LRRC7: variants seen among roughly 807,000 people sequenced by gnomAD.
LRRC7 encodes leucine-rich repeat-containing protein 7.
LRRC7 carries 23 observed loss-of-function variants against 175.7 expected under a neutral mutation model. That is an observed-to-expected ratio of 0.13 (90% CI 0.09 to 0.19). The LOEUF (loss-of-function observed/expected upper bound fraction) is 0.19, where lower values mean the gene tolerates loss of function less well. LRRC7 is among the 10% of genes least tolerant of loss of function. The pLI, the probability that LRRC7 is intolerant of heterozygous loss-of-function variation, is 1.00. For synonymous variants in LRRC7, 685 were observed against 680.9 expected (o/e 1.01, Z -0.09); for missense variants, 1,354 against 1,904.7 (o/e 0.71, Z 5.38).
At chr1:69,883,908 A>G (rs2101620797) in intron 7 of LRRC7, among the ~76,000 whole-genome samples, 1 of 87,296 alleles carries the variant, frequency 1.1e-5, no homozygotes, top group East Asian at 4.5e-4. Flanking sequence ...CAGGTTTGTC[A>G]AAGATCAGAT....
rs776188954 is a variant in LRRC7, at chr1:69,760,228, C to T, written c.138C>T (p.Ile46=). 2 of 1,612,732 alleles carry T rather than the reference C, an allele frequency of 1.2e-6. No homozygotes were observed. The highest frequency in any genetic ancestry group is 1.1e-5 in the South Asian group (1 of 91,052). Residue 46 remains isoleucine, a synonymous_variant, in exon 3 of 27, where the codon ATC becomes ATT. Coordinates refer to ENST00000651989, the MANE Select transcript of LRRC7 (RefSeq NM_001370785.2). ...AGATGACCACCAAACGGAAAATCAT[C>T]GGCCGTCTGGTGCCATGCCGATGTT... ...CLEMTTKRKI[I]GRLVPCRCFR...
chr1:69,601,704 C>G (rs937009300), intron 1 of LRRC7, among the ~76,000 whole-genome samples: 12 of 152,106 alleles, frequency 7.9e-5, no homozygotes, highest in African/African-American at 2.9e-4. Flanking sequence ...AAAACTTTTT[C>G]CAGGTCAACA....
At chr1:70,072,578 A>ACTGCTGCTG (rs6143270) in intron 23 of LRRC7, among the ~76,000 whole-genome samples, 15 of 150,724 alleles carry the variant, frequency 1.0e-4, no homozygotes, top group Admixed American at 1.3e-4. Context: ...GAGACAAAAA[A>ACTGCTGCTG]CTGCTGCTGC....
At chr1:69,648,972 G>T (rs1288950928) in intron 1 of LRRC7, among the ~76,000 whole-genome samples, 1 of 152,188 alleles carries the variant, frequency 6.6e-6, no homozygotes, top group African/African-American at 2.4e-5. Flanking sequence ...AAAATGTTGA[G>T]AAAATATTCT....
intron 7 of LRRC7, among the ~76,000 whole-genome samples, chr1:69,904,526 A>T (rs1003707944): frequency 1.3e-5 from 2 of 151,898 alleles, no homozygotes; most frequent in African/African-American, 4.8e-5. Flanking sequence ...CATAAAGGAT[A>T]CTCTGAATCC....
intron 1 of LRRC7, among the ~76,000 whole-genome samples, chr1:69,660,346 G>A: frequency 6.6e-6 from 1 of 152,016 alleles, no homozygotes. Flanking sequence ...CTATCATATT[G>A]GGGGCAGTGT....
intron 5 of LRRC7, among the ~76,000 whole-genome samples, chr1:69,829,169 A>T (rs757156651): frequency 1.8e-4 from 27 of 151,986 alleles, no homozygotes; most frequent in Non-Finnish European, 3.4e-4. Context: ...TAGTATTATC[A>T]TCTTACAAAT....
intron 7 of LRRC7, among the ~76,000 whole-genome samples, chr1:69,909,067 GT>G (rs1646427043): frequency 6.6e-6 from 1 of 151,592 alleles, no homozygotes; most frequent in Non-Finnish European, 1.5e-5. Context: ...TTTAAAGTCT[GT>G]TTTATCAGAG....
At chr1:69,722,135 A>G (rs1022493593) in intron 2 of LRRC7, among the ~76,000 whole-genome samples, 3 of 118,786 alleles carry the variant, frequency 2.5e-5, no homozygotes, top group Non-Finnish European at 5.5e-5. Context: ...AAGCCTATGT[A>G]CACATATATA....
At chr1:69,940,691 C>A (rs1174733094) in intron 8 of LRRC7, among the ~76,000 whole-genome samples, 1 of 151,754 alleles carries the variant, frequency 6.6e-6, no homozygotes, top group East Asian at 1.9e-4. Flanking sequence ...AGGAGTAAAC[C>A]CTATATATGA....
intron 7 of LRRC7, among the ~76,000 whole-genome samples, chr1:69,882,609 TC>T (rs1368581244): frequency 7.9e-5 from 12 of 151,284 alleles, no homozygotes; most frequent in Non-Finnish European, 1.2e-4. Flanking sequence ...AGGACATTTT[TC>T]TTTTTTTTTT....
chr1:69,571,699 C>T (rs1645745058), intron 1 of LRRC7, among the ~76,000 whole-genome samples: 1 of 152,008 alleles, frequency 6.6e-6, no homozygotes, highest in South Asian at 2.1e-4. Flanking sequence ...CTTAGAGATA[C>T]TAAAATTTTA....
At chr1:69,579,232 T>C (rs568118310) in intron 1 of LRRC7, among the ~76,000 whole-genome samples, 11 of 152,280 alleles carry the variant, frequency 7.2e-5, no homozygotes, top group African/African-American at 2.6e-4. Flanking sequence ...GGTTTTGTAT[T>C]CTCTTTTTCT....
intron 1 of LRRC7, among the ~76,000 whole-genome samples, chr1:69,589,115 GGTGTGTGTGTGTGTGTGT>G (rs55678803): frequency 1.2e-3 from 174 of 142,458 alleles, no homozygotes; most frequent in African/African-American, 4.2e-3. Flanking sequence ...TCATAAAAAG[GGTGTGTGTGTGTGTGTGT>G]GTGTGTGTGT....
Position 69,931,869 on chromosome 1 carries a change from A to G in LRRC7, c.711+299A>G, listed in dbSNP as rs369594014. On this transcript the variant is annotated intron_variant, in intron 8 of 26. Transcript: ENST00000651989. ...TGCCATTTTAACCTAATGGAAATGA[A>G]CTTAAAATGGTCACTGTCATACATA... is the stretch of plus-strand genomic sequence containing the variant. Among the ~76,000 whole-genome samples the G allele has an allele frequency of 3.9e-5, 6 of 152,188 alleles. No homozygotes were observed. In the South Asian group the frequency reaches 1.0e-3, roughly 26 times the overall value.
At chr1:70,021,192 T>C (rs539238741) in intron 16 of LRRC7, 63 bp downstream of exon 16, 26 of 1,530,718 alleles carry the variant, frequency 1.7e-5, no homozygotes, top group Middle Eastern at 3.5e-4. Context: ...CCGTTTTTCT[T>C]ATTCAGATAG....
chr1:69,953,971 C>CT (rs1250200860), intron 8 of LRRC7, among the ~76,000 whole-genome samples: 14 of 152,098 alleles, frequency 9.2e-5, no homozygotes, highest in African/African-American at 2.7e-4. Context: ...TAAATGCTTA[C>CT]TTTTTTCTCT....
At chr1:69,973,136 A>C (rs1306754848) in intron 8 of LRRC7, among the ~76,000 whole-genome samples, 2 of 150,858 alleles carry the variant, frequency 1.3e-5, no homozygotes, top group Non-Finnish European at 3.0e-5. Context: ...CATTCACAGC[A>C]ACCTGGATGA....
intron 1 of LRRC7, among the ~76,000 whole-genome samples, chr1:69,584,181 C>T (rs774268857): frequency 2.6e-5 from 4 of 152,012 alleles, no homozygotes; most frequent in South Asian, 2.1e-4. Context: ...AAAATAGTTT[C>T]GGAGGCAAAG....
Sources: gnomAD v4.1 joint callset for allele counts (sites outside exome capture counted in the v4.1 genomes callset) on GRCh38, gnomAD v4.1.1 for gene constraint, MANE v1.5 for transcripts, NCBI Gene and HGNC (gene_info 2026-07-23, HGNC 2026-07-21) for gene names.